POU2AF2: variants seen among roughly 807,000 people sequenced by gnomAD.
POU2AF2 encodes the protein POU class 2 homeobox associating factor 2, also known as POU domain class 2-associating factor 2.
At chr11:111,271,693 G>A in the POU2AF2 span, among the ~76,000 whole-genome samples, 1 of 152,140 alleles carries the variant, frequency 6.6e-6, no homozygotes, top group African/African-American at 2.4e-5. Flanking sequence ...CAAAATGCTG[G>A]GATTACAGGC....
the POU2AF2 span, chr11:111,286,320 G>A: frequency 1.2e-5 from 4 of 346,750 alleles, no homozygotes; most frequent in African/African-American, 4.3e-5. Flanking sequence ...AACCCATTAC[G>A]TTCTGAATCT....
At chr11:111,260,673 T>C in the POU2AF2 span, among the ~76,000 whole-genome samples, 1 of 152,176 alleles carries the variant, frequency 6.6e-6, no homozygotes, top group Non-Finnish European at 1.5e-5. Context: ...AATTCACCCC[T>C]AGAGTCTGGA....
chr11:111,257,012 C>T, the POU2AF2 span, among the ~76,000 whole-genome samples: 21 of 152,306 alleles, frequency 1.4e-4, no homozygotes, highest in Middle Eastern at 6.8e-3. Flanking sequence ...AGTAGTTGCA[C>T]CAGATCTCCA....
At chr11:111,280,015 T>A in the POU2AF2 span, among the ~76,000 whole-genome samples, 1 of 129,470 alleles carries the variant, frequency 7.7e-6, no homozygotes, top group Non-Finnish European at 1.6e-5. Context: ...CACTATAGCC[T>A]GGGTGAGAGA....
chr11:111,247,802 C>A, the POU2AF2 span, among the ~76,000 whole-genome samples: 1 of 150,196 alleles, frequency 6.7e-6, no homozygotes, highest in South Asian at 2.1e-4. Context: ...AAGATTTCAT[C>A]GTGTGTAGTA....
the POU2AF2 span, among the ~76,000 whole-genome samples, chr11:111,252,847 T>C: frequency 1.3e-5 from 2 of 152,104 alleles, no homozygotes; most frequent in Non-Finnish European, 2.9e-5. Flanking sequence ...CTTGTTTCCC[T>C]TTCTCATTCA....
the POU2AF2 span, among the ~76,000 whole-genome samples, chr11:111,284,579 G>A: frequency 1.3e-5 from 2 of 152,228 alleles, no homozygotes; most frequent in African/African-American, 4.8e-5. Context: ...ATGACAGCCA[G>A]GAGCGTCTAC....
the POU2AF2 span, among the ~76,000 whole-genome samples, chr11:111,268,476 T>C: frequency 1.1e-5 from 1 of 88,558 alleles, no homozygotes; most frequent in Admixed American, 1.5e-4. Flanking sequence ...ACATTTTTCT[T>C]TTTTTATTTT....
At chr11:111,248,063 T>A in the POU2AF2 span, among the ~76,000 whole-genome samples, 22 of 151,838 alleles carry the variant, frequency 1.4e-4, no homozygotes, top group African/African-American at 5.1e-4. Context: ...TTTTTGTATT[T>A]TTTTAGTGGA....
chr11:111,264,265 G>A, the POU2AF2 span, among the ~76,000 whole-genome samples: 11 of 151,950 alleles, frequency 7.2e-5, no homozygotes, highest in Non-Finnish European at 1.2e-4. Context: ...GGAGGCCGAG[G>A]TGGGCAGATC....
At chr11:111,262,664 C>T in the POU2AF2 span, among the ~76,000 whole-genome samples, 48 of 152,314 alleles carry the variant, frequency 3.2e-4, no homozygotes, top group African/African-American at 1.1e-3. Context: ...GTTTGAACCC[C>T]TCCTTCTGGC....
chr11:111,261,417 A>G, the POU2AF2 span, among the ~76,000 whole-genome samples: 1 of 152,234 alleles, frequency 6.6e-6, no homozygotes, highest in Non-Finnish European at 1.5e-5. Context: ...TTATATGTAG[A>G]AAAAAGGCAA....
At chr11:111,257,286 T>G in the POU2AF2 span, among the ~76,000 whole-genome samples, 5 of 152,020 alleles carry the variant, frequency 3.3e-5, no homozygotes, top group Non-Finnish European at 7.4e-5. Context: ...AAAATCAAAC[T>G]CCTGAGACAT....
chr11:111,277,075 A>G, the POU2AF2 span, among the ~76,000 whole-genome samples: 1 of 152,270 alleles, frequency 6.6e-6, no homozygotes, highest in Admixed American at 6.5e-5. Flanking sequence ...ACAAGCTAAA[A>G]GAAAAGAGAA....
chr11:111,262,827 C>T, the POU2AF2 span, among the ~76,000 whole-genome samples: 1 of 152,166 alleles, frequency 6.6e-6, no homozygotes, highest in African/African-American at 2.4e-5. Context: ...ATGTTTGCAA[C>T]ATGACCTTAT....
chr11:111,276,445 AAAAAAAAAATATAT>A, the POU2AF2 span, among the ~76,000 whole-genome samples: 20 of 29,698 alleles, frequency 6.7e-4, no homozygotes, highest in Non-Finnish European at 1.1e-3. Flanking sequence ...AAAAGAAAAA[AAAAAAAAAATATAT>A]ATATATATAT....
At chr11:111,271,993 G>T in the POU2AF2 span, among the ~76,000 whole-genome samples, 1 of 152,152 alleles carries the variant, frequency 6.6e-6, no homozygotes, top group South Asian at 2.1e-4. Context: ...CTCCAGCCTG[G>T]GCAACAAGAG....
chr11:111,255,518 ATCT>A, the POU2AF2 span, among the ~76,000 whole-genome samples: 2 of 152,198 alleles, frequency 1.3e-5, no homozygotes, highest in Non-Finnish European at 2.9e-5. Context: ...TAGGAACGTA[ATCT>A]TCTTAAAACT....
chr11:111,264,704 G>A, the POU2AF2 span, among the ~76,000 whole-genome samples: 1 of 142,422 alleles, frequency 7.0e-6, no homozygotes, highest in Non-Finnish European at 1.5e-5. Flanking sequence ...GAGAAAGAAA[G>A]AAAGAAGAAG....
Sources: gnomAD v4.1 joint callset for allele counts (sites outside exome capture counted in the v4.1 genomes callset) on GRCh38, gnomAD v4.1.1 for gene constraint, MANE v1.5 for transcripts, NCBI Gene and HGNC (gene_info 2026-07-23, HGNC 2026-07-21) for gene names.